The following IGSF3 variants were observed in gnomAD, a reference collection of about 807,000 sequenced individuals.
IGSF3 encodes the protein immunoglobulin superfamily member 3.
In IGSF3, 23 loss-of-function variants were observed where a neutral mutation model predicts 114.4. That is an observed-to-expected ratio of 0.20 (90% CI 0.14 to 0.28). The LOEUF is 0.28. IGSF3 is among the 10% of genes least tolerant of loss of function. The pLI is 1.00. For synonymous variants in IGSF3, 571 were observed against 645.2 expected, an observed-to-expected ratio of 0.88 and a Z score of 1.74; for missense variants, 1,172 against 1,591.5, an observed-to-expected ratio of 0.74 and a Z score of 4.48.
rs1308664218 is a variant in IGSF3, at chr1:116,636,076, T to C, written c.44-19619A>G. 1.3e-5 allele frequency among the ~76,000 whole-genome samples: 2 copies of C among 152,186 alleles called. No individual in the cohort carries two copies. Among genetic ancestry groups the C allele is most frequent in the African/African-American group, 2.4e-5 (1 of 41,452 alleles). ...ACCTCCACTCGCCAGAACAACTGTC[T>C]TCCTCACAGGTGCCAGCCATCACCC... On this transcript the variant is annotated intron_variant, in intron 2 of 10. Transcript: ENST00000369486. The surrounding 1 kb of genome is among the most constrained non-coding windows in gnomAD (Gnocchi z 4.5).
rs1309065577 is a variant in IGSF3, at chr1:116,579,320, A to AGATT, written c.3334+71_3334+72insAATC. On this transcript the variant is annotated intron_variant, in intron 10 of 10. Transcript: ENST00000369486. The surrounding 1 kb of genome is among the most constrained non-coding windows in gnomAD (Gnocchi z 6.4). The stretch of plus-strand genomic sequence containing the variant: ...GAAAACTGTTTATTAACCCATAATC[A>AGATT]AGCTCAAATTTATCTTCCAGACACA... 6.6e-6 allele frequency: 10 copies of AGATT among 1,507,582 alleles called. No homozygotes were observed. The highest frequency in any genetic ancestry group is 8.0e-6 in the Non-Finnish European group (9 of 1,127,756). 93.4% of individuals were successfully genotyped at this position (1,507,582 alleles called of 1,614,324 possible). A position where few individuals can be genotyped will look rare whatever the true frequency, so the allele number is the denominator to read the frequency against.
intron 2 of IGSF3, among the ~76,000 whole-genome samples, chr1:116,630,819 A>G (rs962697737): frequency 2.8e-4 from 42 of 152,302 alleles, no homozygotes; most frequent in African/African-American, 9.1e-4. Flanking sequence ...TATTTCTGCT[A>G]GATCATGGTG....
intron 7 of IGSF3, among the ~76,000 whole-genome samples, chr1:116,590,981 A>C (rs929222946): frequency 1.3e-5 from 2 of 152,188 alleles, no homozygotes; most frequent in East Asian, 3.9e-4. Flanking sequence ...ACAAACCCAC[A>C]GACCTTCTCA....
intron 2 of IGSF3, among the ~76,000 whole-genome samples, chr1:116,640,049 A>AG (rs1416395060): frequency 6.6e-6 from 1 of 151,208 alleles, no homozygotes; most frequent in Non-Finnish European, 1.5e-5. Flanking sequence ...AAAAAAAAAA[A>AG]AAAAAAAAGA....
rs980996864 is a variant in IGSF3, at chr1:116,603,269, T to A, written c.1624+355A>T. 6.6e-6 allele frequency among the ~76,000 whole-genome samples: 1 copy of A among 152,186 alleles called. No individual in the cohort carries two copies. Among genetic ancestry groups the A allele is most frequent in the East Asian group, 1.9e-4 (1 of 5,196 alleles). ...TTTAAGGCCAGGCTGGCAGTGGCCA[T>A]GCTCCTCCACCTGGGGCCACCACTA... On this transcript the variant is annotated intron_variant, in intron 6 of 10. Coordinates refer to ENST00000369486, the MANE Select transcript of IGSF3 (RefSeq NM_001007237.3). This position sits in a 1 kb window ranked among gnomAD's most constrained non-coding sequence, Gnocchi z 7.1.
At chr1:116,631,954 A>G (rs1420866647) in intron 2 of IGSF3, among the ~76,000 whole-genome samples, 1 of 152,214 alleles carries the variant, frequency 6.6e-6, no homozygotes, top group East Asian at 1.9e-4. Flanking sequence ...CAACGTCTCC[A>G]TCAACTGCAG....
Position 116,612,866 on chromosome 1 carries a change from G to A in IGSF3, c.832+899C>T, listed in dbSNP as rs185745027. On this transcript the variant is annotated intron_variant, in intron 4 of 10. Coordinates refer to ENST00000369486, the MANE Select transcript of IGSF3 (RefSeq NM_001007237.3). The surrounding 1 kb of genome is among the most constrained non-coding windows in gnomAD (Gnocchi z 4.1). ...AGCCCAGCAGAGGCAGCCAGCAACA[G>A]CTGTCAGCTCTGGCCTGGAGCCTGG... Among the ~76,000 whole-genome samples, 277 of 152,378 alleles carry A rather than the reference G, an allele frequency of 1.8e-3. 1 individual carries two copies. The highest frequency in any genetic ancestry group is 1.3e-3 in the Non-Finnish European group (86 of 68,040).
In IGSF3 at chr1:116,577,161, T is replaced by C. The variant is rs531895439; in HGVS notation, c.*151A>G. Reference sequence around the variant, plus strand: ...CTGCCACCGAGAGGCAGTCTGTCTCTGTGACTGACTGGGAACTTGGAACAC... The same window carrying C: ...CTGCCACCGAGAGGCAGTCTGTCTCCGTGACTGACTGGGAACTTGGAACAC... On this transcript the variant is annotated 3_prime_UTR_variant, in exon 11 of 11. Transcript: ENST00000369486. This position sits in a 1 kb window ranked among gnomAD's most constrained non-coding sequence, Gnocchi z 5.7. The C allele has an allele frequency of 2.3e-4, 186 of 808,904 alleles. 2 individuals carry two copies. The South Asian group carries it at 3.4e-3, about 15-fold the overall frequency. The allele number at this position is 808,904 out of a possible 1,614,324, so 50.1% of individuals were successfully genotyped here.
At chr1:116,586,330 T>C (rs1659841566) in intron 8 of IGSF3, among the ~76,000 whole-genome samples, 1 of 152,212 alleles carries the variant, frequency 6.6e-6, no homozygotes, top group African/African-American at 2.4e-5. Context: ...TTGACTCTGG[T>C]TGTCTCAGGG....
rs1648794680 is a variant in IGSF3, at chr1:116,655,196, C to T, written c.43+11088G>A. On this transcript the variant is annotated intron_variant, in intron 2 of 10. Coordinates refer to ENST00000369486, the MANE Select transcript of IGSF3 (RefSeq NM_001007237.3). This position sits in a 1 kb window ranked among gnomAD's most constrained non-coding sequence, Gnocchi z 4.3. ...ACCGGAGATAACAGAACAATGAATGCTTGTAGCAGGCACTCGGTTATTTGT... is the reference window on the plus strand; with the variant it reads ...ACCGGAGATAACAGAACAATGAATGTTTGTAGCAGGCACTCGGTTATTTGT... Among the ~76,000 whole-genome samples, 2 of 152,158 alleles carry T rather than the reference C, an allele frequency of 1.3e-5. No homozygotes were observed. Among genetic ancestry groups the T allele is most frequent in the African/African-American group, 4.8e-5 (2 of 41,424 alleles).
chr1:116,594,693 C>T lies in IGSF3; in HGVS notation c.2029+5248G>A, dbSNP rs1266030993. Among the ~76,000 whole-genome samples the T allele has an allele frequency of 6.6e-6, 1 of 152,200 alleles. No individual in the cohort carries two copies. The highest frequency in any genetic ancestry group is 1.5e-5 in the Non-Finnish European group (1 of 68,044). On this transcript the variant is annotated intron_variant, in intron 7 of 10. Transcript: ENST00000369486. This position sits in a 1 kb window ranked among gnomAD's most constrained non-coding sequence, Gnocchi z 5.2. ...TAGCTATTACATATGCCCACCCTCACCCCATGCTCCCATGTACAAAAGGGA... is the reference window on the plus strand; with the variant it reads ...TAGCTATTACATATGCCCACCCTCATCCCATGCTCCCATGTACAAAAGGGA...
At chr1:116,608,566 A>C (rs1161753291) in intron 4 of IGSF3, among the ~76,000 whole-genome samples, 1 of 152,214 alleles carries the variant, frequency 6.6e-6, no homozygotes. Flanking sequence ...AGACGGTCTA[A>C]GCAAACTGTT....
At position 116,585,588 on chromosome 1, in the gene IGSF3, G is replaced by C. The variant is rs1267689704; in HGVS notation, c.2441-536C>G. Among the ~76,000 whole-genome samples the C allele has an allele frequency of 2.6e-5, 4 of 152,204 alleles. No homozygotes were observed. Among genetic ancestry groups the C allele is most frequent in the Non-Finnish European group, 5.9e-5 (4 of 68,042 alleles). On this transcript the variant is annotated intron_variant, in intron 8 of 10. Coordinates refer to ENST00000369486, the MANE Select transcript of IGSF3 (RefSeq NM_001007237.3). The surrounding 1 kb of genome is among the most constrained non-coding windows in gnomAD (Gnocchi z 4.9). Reference sequence around the variant, plus strand: ...AACATCCTTACAAAAACCCACACAGGTTCCTTCTCAGGTTGGGAATGGAAC... The same window carrying C: ...AACATCCTTACAAAAACCCACACAGCTTCCTTCTCAGGTTGGGAATGGAAC...
rs1389455284 is a variant in IGSF3, at chr1:116,634,873, C to T, written c.44-18416G>A. Among the ~76,000 whole-genome samples the T allele has an allele frequency of 1.3e-5, 2 of 152,074 alleles. No homozygotes were observed. The highest frequency in any genetic ancestry group is 1.5e-5 in the Non-Finnish European group (1 of 68,022). On this transcript the variant is annotated intron_variant, in intron 2 of 10. Coordinates refer to ENST00000369486, the MANE Select transcript of IGSF3 (RefSeq NM_001007237.3). This position sits in a 1 kb window ranked among gnomAD's most constrained non-coding sequence, Gnocchi z 4.2. Reference sequence around the variant, plus strand: ...CCTGAGTTGCGGTGTAAGCCATCTGCCTGCTCCGAGCCCGCCACACTATAA... The same window carrying T: ...CCTGAGTTGCGGTGTAAGCCATCTGTCTGCTCCGAGCCCGCCACACTATAA...
Position 116,632,885 on chromosome 1 carries a change from G to T in IGSF3, c.44-16428C>A, listed in dbSNP as rs533479916. Among the ~76,000 whole-genome samples, 29 of 152,318 alleles carry T rather than the reference G, an allele frequency of 1.9e-4. No homozygotes were observed. Among genetic ancestry groups the T allele is most frequent in the African/African-American group, 6.3e-4 (26 of 41,572 alleles). On this transcript the variant is annotated intron_variant, in intron 2 of 10. Transcript: ENST00000369486. The surrounding 1 kb of genome is among the most constrained non-coding windows in gnomAD (Gnocchi z 5.1). The stretch of plus-strand genomic sequence containing the variant: ...TGGCTAGGGACAGTGACATCAGTGT[G>T]TTTACCAAGCATTTGATTTACTTGC...
At chr1:116,620,282 G>T (rs919066487) in intron 2 of IGSF3, among the ~76,000 whole-genome samples, 5 of 152,204 alleles carry the variant, frequency 3.3e-5, no homozygotes, top group African/African-American at 1.2e-4. Flanking sequence ...GAGTTGTGGA[G>T]TTTTCCGCCC....
chr1:116,604,127 G>A, intron 5 of IGSF3, 102 bp from the exon 6 acceptor site: 10 of 1,082,440 alleles, frequency 9.2e-6, no homozygotes, highest in East Asian at 2.6e-5. Flanking sequence ...ATCATATTCA[G>A]GTACGGTGAG....
rs1647932046 is a variant in IGSF3 at position 116,638,460 on chromosome 1, T to C, written c.44-22003A>G. On this transcript the variant is annotated intron_variant, in intron 2 of 10. Coordinates refer to ENST00000369486, the MANE Select transcript of IGSF3 (RefSeq NM_001007237.3). This position sits in a 1 kb window ranked among gnomAD's most constrained non-coding sequence, Gnocchi z 4.1. Reference sequence around the variant, plus strand: ...ATGGCCAGAGATTCCACTTTGCCAATCACATCAAGTCCAAACTCCGTGTCT... The same window carrying C: ...ATGGCCAGAGATTCCACTTTGCCAACCACATCAAGTCCAAACTCCGTGTCT... 6.6e-6 allele frequency among the ~76,000 whole-genome samples: 1 copy of C among 152,184 alleles called. No individual in the cohort carries two copies. The highest frequency in any genetic ancestry group is 1.5e-5 in the Non-Finnish European group (1 of 68,034).
At position 116,627,100 on chromosome 1, in the gene IGSF3, G is replaced by A. The variant is rs965972682; in HGVS notation, c.44-10643C>T. On this transcript the variant is annotated intron_variant, in intron 2 of 10. Coordinates refer to ENST00000369486, the MANE Select transcript of IGSF3 (RefSeq NM_001007237.3). This position sits in a 1 kb window ranked among gnomAD's most constrained non-coding sequence, Gnocchi z 4.7. ...CTCTGACCGCTCTTTCTTTCCGTCC[G>A]GTTTTGGAGATAACAGAAATAGGCT... is the stretch of plus-strand genomic sequence containing the variant. Among the ~76,000 whole-genome samples, 11 of 152,050 alleles carry A rather than the reference G, an allele frequency of 7.2e-5. No individual in the cohort carries two copies. Among genetic ancestry groups the A allele is most frequent in the Admixed American group, 1.3e-4 (2 of 15,266 alleles).
Sources: gnomAD v4.1 joint callset for allele counts (sites outside exome capture counted in the v4.1 genomes callset) on GRCh38, gnomAD v4.1.1 for gene constraint, Gnocchi (gnomAD v3.1) non-coding constraint, MANE v1.5 for transcripts, NCBI Gene and HGNC (gene_info 2026-07-23, HGNC 2026-07-21) for gene names.